GPR39: variants seen among roughly 807,000 people sequenced by gnomAD.
GPR39 encodes the protein G protein-coupled receptor 39.
A neutral mutation model predicts 18.4 loss-of-function variants in GPR39; 23 were observed. The ratio of observed to expected loss-of-function variants is 1.25; its 90% CI spans 0.90 to 1.77. The LOEUF is 1.77. GPR39 is among the 40% of genes most tolerant of loss of function. The probability of loss-of-function intolerance (pLI) is 0.00; values close to 1 mark genes in which losing one functional copy is unlikely to be tolerated. For synonymous variants in GPR39, 280 were observed against 257.9 expected (o/e 1.09, Z -0.82); for missense variants, 647 against 602.4 (o/e 1.07, Z -0.78).
At chr2:132,477,370 C>T (rs549729774) in intron 1 of GPR39, among the ~76,000 whole-genome samples, 2 of 152,216 alleles carry the variant, frequency 1.3e-5, no homozygotes, top group Admixed American at 6.5e-5. Context: ...ACAACAGGGC[C>T]AGCCTGAGCA....
chr2:132,500,547 T>G (rs1188660679), intron 1 of GPR39, among the ~76,000 whole-genome samples: 1 of 152,180 alleles, frequency 6.6e-6, no homozygotes, highest in Non-Finnish European at 1.5e-5. Context: ...TTTCTCTTTT[T>G]GTTATGTCCT....
intron 1 of GPR39, among the ~76,000 whole-genome samples, chr2:132,608,797 G>A (rs1257800125): frequency 5.3e-5 from 8 of 152,156 alleles, no homozygotes; most frequent in Non-Finnish European, 1.0e-4. Flanking sequence ...CTGCAAAGCT[G>A]GGGTGGGGTG....
At chr2:132,476,006 C>T (rs1376172120) in intron 1 of GPR39, among the ~76,000 whole-genome samples, 1 of 152,146 alleles carries the variant, frequency 6.6e-6, no homozygotes, top group African/African-American at 2.4e-5. Context: ...GTGATGTCAC[C>T]ACATGCCACT....
At chr2:132,469,225 C>A (rs1279699608) in intron 1 of GPR39, among the ~76,000 whole-genome samples, 1 of 152,192 alleles carries the variant, frequency 6.6e-6, no homozygotes, top group African/African-American at 2.4e-5. Flanking sequence ...GGGCTGCTTC[C>A]TGTGTTCAGT....
intron 1 of GPR39, among the ~76,000 whole-genome samples, chr2:132,481,091 T>C (rs1681225370): frequency 1.3e-5 from 2 of 152,244 alleles, no homozygotes; most frequent in Non-Finnish European, 2.9e-5. Context: ...AGAAATTTAA[T>C]TTCCAACCTG....
intron 1 of GPR39, among the ~76,000 whole-genome samples, chr2:132,528,920 G>C (rs550042664): frequency 1.3e-5 from 2 of 152,152 alleles, no homozygotes; most frequent in Non-Finnish European, 2.9e-5. Context: ...AACAGCTCCA[G>C]TCTACAGCTC....
At chr2:132,465,421 C>T (rs1055105246) in intron 1 of GPR39, among the ~76,000 whole-genome samples, 1 of 152,188 alleles carries the variant, frequency 6.6e-6, no homozygotes, top group Non-Finnish European at 1.5e-5. Flanking sequence ...CTCCCTGTAC[C>T]CCCTCTCCAA....
chr2:132,518,502 C>T (rs1421633166), intron 1 of GPR39, among the ~76,000 whole-genome samples: 1 of 152,164 alleles, frequency 6.6e-6, no homozygotes, highest in Non-Finnish European at 1.5e-5. Context: ...AGGGTTGTCT[C>T]ATCCGCCCCG....
At chr2:132,468,765 TG>T (rs1680976188) in intron 1 of GPR39, among the ~76,000 whole-genome samples, 1 of 152,146 alleles carries the variant, frequency 6.6e-6, no homozygotes. Flanking sequence ...TGGCAGTCAC[TG>T]GTGCAGGTCG....
chr2:132,529,068 C>T (rs1344214105), intron 1 of GPR39, among the ~76,000 whole-genome samples: 2 of 152,104 alleles, frequency 1.3e-5, no homozygotes, highest in South Asian at 4.1e-4. Flanking sequence ...GCAGGCCTCA[C>T]CCAGGAAGCA....
At chr2:132,541,345 A>C in intron 1 of GPR39, among the ~76,000 whole-genome samples, 1 of 152,062 alleles carries the variant, frequency 6.6e-6, no homozygotes, top group Non-Finnish European at 1.5e-5. Context: ...CAGCCTCCCA[A>C]AGTGCTGAGA....
intron 1 of GPR39, among the ~76,000 whole-genome samples, chr2:132,458,434 C>T (rs984299629): frequency 7.4e-6 from 1 of 134,886 alleles, no homozygotes. Flanking sequence ...TACTTTACCT[C>T]TCTCTCTCTC....
intron 1 of GPR39, among the ~76,000 whole-genome samples, chr2:132,550,840 T>C (rs928897639): frequency 6.6e-6 from 1 of 152,226 alleles, no homozygotes; most frequent in Non-Finnish European, 1.5e-5. Flanking sequence ...ATTTTTATAA[T>C]GCTGATTAAG....
chr2:132,563,780 G>A (rs962215240), intron 1 of GPR39, among the ~76,000 whole-genome samples: 1 of 152,196 alleles, frequency 6.6e-6, no homozygotes, highest in Non-Finnish European at 1.5e-5. Context: ...TTTGGCACTG[G>A]TATTTCTGAA....
chr2:132,478,023 C>T (rs1681160697), intron 1 of GPR39, among the ~76,000 whole-genome samples: 2 of 152,190 alleles, frequency 1.3e-5, no homozygotes, highest in African/African-American at 4.8e-5. Flanking sequence ...ATCCCCTTTA[C>T]ATGAATCATA....
intron 1 of GPR39, among the ~76,000 whole-genome samples, chr2:132,529,565 T>A (rs1363290124): frequency 6.6e-6 from 1 of 152,158 alleles, no homozygotes; most frequent in Non-Finnish European, 1.5e-5. Context: ...CTCAAGTGGG[T>A]CCCTGACCAC....
intron 1 of GPR39, among the ~76,000 whole-genome samples, chr2:132,444,222 GA>G (rs1306332295): frequency 5.9e-5 from 9 of 152,170 alleles, no homozygotes; most frequent in African/African-American, 2.2e-4. Context: ...AGAATTACCC[GA>G]ACTATTGAAC....
intron 1 of GPR39, among the ~76,000 whole-genome samples, chr2:132,543,072 A>G (rs1242766221): frequency 1.3e-5 from 2 of 152,128 alleles, no homozygotes; most frequent in Non-Finnish European, 1.5e-5. Context: ...TTGCTCCTTA[A>G]CTCAGCTAGG....
intron 1 of GPR39, among the ~76,000 whole-genome samples, chr2:132,641,889 ATATTG>A (rs754718598): frequency 6.6e-6 from 1 of 152,246 alleles, no homozygotes; most frequent in Non-Finnish European, 1.5e-5. Flanking sequence ...ATAGCAAACA[ATATTG>A]TGTTTTGAGA....
Sources: gnomAD v4.1 joint callset for allele counts (sites outside exome capture counted in the v4.1 genomes callset) on GRCh38, gnomAD v4.1.1 for gene constraint, MANE v1.5 for transcripts, NCBI Gene and HGNC (gene_info 2026-07-23, HGNC 2026-07-21) for gene names.